Variants in KANK1 observed in about 807,000 individuals in gnomAD.
The protein encoded by KANK1 is KN motif and ankyrin repeat domain-containing protein 1.
A neutral mutation model predicts 106.2 loss-of-function variants in KANK1; 109 were observed. The ratio of observed to expected loss-of-function variants is 1.03; its 90% CI spans 0.88 to 1.20. The LOEUF is 1.20. KANK1 is among the 50% of genes most tolerant of loss of function. KANK1 has a pLI of 0.00. For synonymous variants in KANK1, 873 were observed against 652.2 expected (o/e 1.34, Z -5.16); for missense variants, 2,399 against 1,710.7 (o/e 1.40, Z -7.10).
chr9:734,533 G>C, intron 6 of KANK1: 2 of 423,688 alleles, frequency 4.7e-6, no homozygotes, highest in South Asian at 2.4e-5. Context: ...GGGCCTGGTG[G>C]TGCACACCTG....
intron 1 of KANK1, among the ~76,000 whole-genome samples, chr9:644,030 G>A (rs751479663): frequency 6.6e-6 from 1 of 150,872 alleles, no homozygotes; most frequent in Non-Finnish European, 1.5e-5. Flanking sequence ...GTGAGAAAAT[G>A]TATGTCCTAG....
intron 1 of KANK1, among the ~76,000 whole-genome samples, chr9:579,660 G>C (rs186375435): frequency 1.3e-5 from 2 of 152,152 alleles, no homozygotes; most frequent in Non-Finnish European, 2.9e-5. Context: ...GTAGGTGGGT[G>C]CAGGGAGGCA....
rs1048867911 is a variant in KANK1, at chr9:508,962, G to A, written c.-84+4208G>A. ...GTTCCAAACTAGGATTCAGTTTAGA[G>A]GTACAGTCATGCGGATTTCTGAAGT... On this transcript the variant is annotated intron_variant, in intron 1 of 11. Coordinates refer to ENST00000382297, the MANE Select transcript of KANK1 (RefSeq NM_015158.5). 7.9e-5 allele frequency among the ~76,000 whole-genome samples: 12 copies of A among 152,286 alleles called. No homozygotes were observed. The East Asian group carries it at 2.1e-3, about 27-fold the overall frequency.
At chr9:627,657 A>C (rs1478464285) in intron 1 of KANK1, among the ~76,000 whole-genome samples, 2 of 152,192 alleles carry the variant, frequency 1.3e-5, no homozygotes, top group Non-Finnish European at 2.9e-5. Context: ...TGAAAGCATC[A>C]TGTCATTCCA....
At chr9:643,400 T>G (rs1042465659) in intron 1 of KANK1, among the ~76,000 whole-genome samples, 1 of 150,886 alleles carries the variant, frequency 6.6e-6, no homozygotes, top group Admixed American at 6.6e-5. Flanking sequence ...CAGAATAAGA[T>G]CCTTTTTGCA....
At chr9:661,094 T>TC (rs398113133) in intron 1 of KANK1, among the ~76,000 whole-genome samples, 1 of 151,534 alleles carries the variant, frequency 6.6e-6, no homozygotes, top group Non-Finnish European at 1.5e-5. Flanking sequence ...TTTGTTTTTT[T>TC]CCCCTCCAGT....
chr9:478,395 C>T (rs911399714), intron 3 of KANK1: 1 of 152,470 alleles, frequency 6.6e-6, no homozygotes, highest in Admixed American at 6.5e-5. Flanking sequence ...CATTTGACAA[C>T]TAAAAATAAA....
At chr9:501,949 A>G (rs1274529186), upstream of KANK1, among the ~76,000 whole-genome samples, 2 of 152,248 alleles carry the variant, frequency 1.3e-5, no homozygotes, top group Non-Finnish European at 2.9e-5. Flanking sequence ...AAACGGTTCT[A>G]TTCAAAGATT....
At chr9:520,712 C>T (rs1167736587) in intron 1 of KANK1, among the ~76,000 whole-genome samples, 1 of 151,708 alleles carries the variant, frequency 6.6e-6, no homozygotes, top group African/African-American at 2.4e-5. Context: ...AGAAATCTGC[C>T]TAGATATGGA....
At chr9:685,812 A>G (rs1188401723) in intron 2 of KANK1, among the ~76,000 whole-genome samples, 1 of 152,212 alleles carries the variant, frequency 6.6e-6, no homozygotes, top group African/African-American at 2.4e-5. Flanking sequence ...TTCTGAATTT[A>G]GTCTCACAAT....
At chr9:713,522 G>C (rs1237389202) in intron 3 of KANK1, 58 bp downstream of exon 3, 1 of 1,499,238 alleles carries the variant, frequency 6.7e-7, no homozygotes. Context: ...TGTCTTTCCA[G>C]AAGCTAAGGA....
At chr9:557,176 A>G (rs1043807570) in intron 1 of KANK1, among the ~76,000 whole-genome samples, 2 of 141,734 alleles carry the variant, frequency 1.4e-5, no homozygotes, top group African/African-American at 5.2e-5. Context: ...GAGCAAGACC[A>G]TGTCTCAAAA....
intron 1 of KANK1, among the ~76,000 whole-genome samples, chr9:563,740 A>C (rs113888421): frequency 7.4e-4 from 112 of 152,180 alleles, no homozygotes; most frequent in Non-Finnish European, 1.5e-3. Flanking sequence ...CAGAATCTCA[A>C]AATTGCTCTA....
At chr9:545,098 A>G (rs1158294408) in intron 1 of KANK1, among the ~76,000 whole-genome samples, 5 of 151,786 alleles carry the variant, frequency 3.3e-5, no homozygotes, top group African/African-American at 1.2e-4. Context: ...GAATGGGGAG[A>G]GGCAAACATC....
At chr9:520,923 T>C (rs2059516336) in intron 1 of KANK1, among the ~76,000 whole-genome samples, 1 of 151,828 alleles carries the variant, frequency 6.6e-6, no homozygotes, top group Admixed American at 6.6e-5. Context: ...AGATGATTTT[T>C]GTTTAATTGC....
intron 1 of KANK1, among the ~76,000 whole-genome samples, chr9:595,449 G>A (rs1008646584): frequency 6.6e-6 from 1 of 151,894 alleles, no homozygotes; most frequent in African/African-American, 2.4e-5. Context: ...AAGAACCCGA[G>A]GAAAAGCCTG....
intron 2 of KANK1, among the ~76,000 whole-genome samples, chr9:695,985 G>A (rs1174249203): frequency 6.6e-6 from 1 of 152,076 alleles, no homozygotes; most frequent in Non-Finnish European, 1.5e-5. Context: ...AAGTACTGAG[G>A]AATACAAACA....
chr9:474,838 G>A (rs954402396), intron 3 of KANK1, among the ~76,000 whole-genome samples: 1 of 152,152 alleles, frequency 6.6e-6, no homozygotes, highest in Non-Finnish European at 1.5e-5. Context: ...CTTTCCCTGA[G>A]GACACTTCAG....
chr9:634,371 C>G (rs1423964363), intron 1 of KANK1, among the ~76,000 whole-genome samples: 1 of 152,140 alleles, frequency 6.6e-6, no homozygotes, highest in African/African-American at 2.4e-5. Context: ...AGTCCTGGCT[C>G]CCGGTGGGGT....
Sources: allele counts gnomAD v4.1 joint callset (sites outside exome capture counted in the v4.1 genomes callset), GRCh38; gene constraint gnomAD v4.1.1; transcripts MANE v1.5; gene names NCBI Gene and HGNC (gene_info 2026-07-23, HGNC 2026-07-21).